EIF1: variants seen among roughly 807,000 people sequenced by gnomAD.
The protein encoded by EIF1 is protein translation factor SUI1 homolog.
In EIF1, 4 loss-of-function variants were observed where a neutral mutation model predicts 13.7. That is an observed-to-expected ratio of 0.29 (90% confidence interval 0.14 to 0.67). The LOEUF is 0.67. Among genes scored for constraint, EIF1 ranks in the 30% least tolerant of loss-of-function variants. The pLI, the probability that EIF1 is intolerant of heterozygous loss-of-function variation, is 0.77. For missense variants in EIF1, 64 were observed against 138.0 expected (o/e 0.46, Z 2.69); for synonymous variants, 67 against 50.7 (o/e 1.32, Z -1.37).
intron 1 of EIF1, chr17:41,689,315 T>A (rs1018599080): frequency 1.7e-6 from 1 of 592,030 alleles, no homozygotes; most frequent in African/African-American, 1.9e-5. Flanking sequence ...CATTTACTAA[T>A]GGCTCCTGGG....
chr17:41,690,035 T>A, intron 2 of EIF1, 53 bp from the exon 3 acceptor site: 1 of 1,609,934 alleles, frequency 6.2e-7, no homozygotes, highest in East Asian at 2.2e-5. Flanking sequence ...GAAGGGGTGA[T>A]AAATGCGTTC....
Position 41,692,668 on chromosome 17 carries a change from A to G in EIF1, c.*1842A>G, listed in dbSNP as rs1197947902. 1 of 151,654 alleles carries G rather than the reference A, an allele frequency of 6.6e-6. No homozygotes were observed. Among genetic ancestry groups the G allele is most frequent in the Admixed American group, 6.6e-5 (1 of 15,232 alleles). The allele number at this position is 151,654 out of a possible 1,614,324, so 9.4% of individuals were successfully genotyped here. ...AACTAATAAATTTTGCTAAAACATG[A>G]GTTTTGTTTGGTGACTTTTTTTTTT... On this transcript the variant is annotated 3_prime_UTR_variant, in exon 4 of 4. Transcript: ENST00000469257.
chr17:41,689,874 C>G lies in EIF1; in HGVS notation c.128C>G (p.Thr43Ser). Residue 43 changes from threonine (T) to serine (S), a missense_variant, in exon 2 of 4, where the codon ACC becomes AGC. Around this residue, in one of 2 missense-constraint regions of EIF1, gnomAD observed 35 missense variants for 103.4 expected, o/e 0.34. Transcript: ENST00000469257. ...IRIQQRNGRK[T>S]LTTVQGIADD... ...ATTCAACAGAGAAACGGCAGGAAGA[C>G]CCTTACTACTGTCCAAGGGATCGCT... 1 of 1,613,976 alleles carries G rather than the reference C, an allele frequency of 6.2e-7. No homozygotes were observed. The highest frequency in any genetic ancestry group is 8.5e-7 in the Non-Finnish European group (1 of 1,179,936).
intron 1 of EIF1, chr17:41,689,386 C>T (rs1597718083): frequency 3.8e-6 from 2 of 530,774 alleles, no homozygotes; most frequent in East Asian, 3.2e-5. Context: ...ACGTCACCAC[C>T]CGTTGTCACG....
Position 41,690,942 on chromosome 17 carries a change from G to A in EIF1, c.*116G>A. On this transcript the variant is annotated 3_prime_UTR_variant, in exon 4 of 4. Coordinates refer to ENST00000469257, the MANE Select transcript of EIF1 (RefSeq NM_005801.4). ...CAGCTTGTATAATGTAACCATTTGG[G>A]GTCCGCTTTTAACTTGGACTAGTGT... is the stretch of plus-strand genomic sequence containing the variant. 1.7e-6 allele frequency: 2 copies of A among 1,211,636 alleles called. No homozygotes were observed. Among genetic ancestry groups the A allele is most frequent in the Non-Finnish European group, 1.2e-6 (1 of 829,820 alleles). 75.1% of individuals were successfully genotyped at this position (1,211,636 alleles called of 1,614,324 possible).
In EIF1 at chr17:41,691,221, A is replaced by C. The variant is rs1910367885; in HGVS notation, c.*395A>C. On this transcript the variant is annotated 3_prime_UTR_variant, in exon 4 of 4. Coordinates refer to ENST00000469257, the MANE Select transcript of EIF1 (RefSeq NM_005801.4). The stretch of plus-strand genomic sequence containing the variant: ...CAGTCCTCGGTGAATCTGAGAGGAG[A>C]GGATGGGGTAAGGCAGAAGCACCAG... The C allele has an allele frequency of 8.0e-6, 3 of 375,588 alleles. No homozygotes were observed. Among genetic ancestry groups the C allele is most frequent in the Non-Finnish European group, 9.5e-6 (2 of 209,550 alleles). The allele number at this position is 375,588 out of a possible 1,614,324, so 23.3% of individuals were successfully genotyped here. A position where few individuals can be genotyped will look rare whatever the true frequency, so the allele number is the denominator to read the frequency against.
intron 1 of EIF1, 73 bp downstream of exon 1, chr17:41,689,142 A>G: frequency 6.4e-7 from 1 of 1,550,850 alleles, no homozygotes; most frequent in South Asian, 1.1e-5. Context: ...TGTTCCGGGA[A>G]GTTGCCAAGC....
chr17:41,689,161 C>A, intron 1 of EIF1, 92 bp downstream of exon 1: 1 of 1,413,636 alleles, frequency 7.1e-7, no homozygotes, highest in Non-Finnish European at 9.9e-7. Context: ...GCGCTCCGGG[C>A]CTTCGTAAGC....
Position 41,688,974 on chromosome 17 carries a change from T to C in EIF1, c.-65T>C, listed in dbSNP as rs1336383779. The C allele has an allele frequency of 6.3e-7, 1 of 1,576,896 alleles. No individual in the cohort carries two copies. ...ACGTTCCGTTCCCCCCTGCCCGCCTTCTCCCGCCACCGCCGCCGCCGCCTT... is the reference window on the plus strand; with the variant it reads ...ACGTTCCGTTCCCCCCTGCCCGCCTCCTCCCGCCACCGCCGCCGCCGCCTT... On this transcript the variant is annotated 5_prime_UTR_variant, in exon 1 of 4. Transcript: ENST00000469257.
chr17:41,689,202 G>A, intron 1 of EIF1, 133 bp downstream of exon 1: 1 of 1,084,938 alleles, frequency 9.2e-7, no homozygotes, highest in African/African-American at 1.6e-5. Flanking sequence ...CAGGGTCGCA[G>A]GGCAGCGGGA....
In EIF1 at chr17:41,689,916, A is replaced by G. The variant is rs1141310; in HGVS notation, c.170A>G (p.Lys57Arg). 1 of 1,611,270 alleles carries G rather than the reference A, an allele frequency of 6.2e-7. No individual in the cohort carries two copies. The highest frequency in any genetic ancestry group is 8.5e-7 in the Non-Finnish European group (1 of 1,178,934). The change falls in exon 2 of 4, where the codon AAG (lysine) becomes AGG (arginine). Residue 57 changes from lysine to arginine, a missense_variant. By Grantham distance (26) the Lys-to-Arg change is conservative (BLOSUM62 2). This residue lies in a region of EIF1 where 35 missense variants were observed against 103.4 expected (regional missense o/e 0.34). Coordinates refer to ENST00000469257, the MANE Select transcript of EIF1 (RefSeq NM_005801.4). ...GGGATCGCTGATGATTACGATAAAAAGAAACTAGTGAAGGCGTTTAAGAAA... is the reference window on the plus strand; with the variant it reads ...GGGATCGCTGATGATTACGATAAAAGGAAACTAGTGAAGGCGTTTAAGAAA... ...VQGIADDYDK[K>R]KLVKAFKKKF...
Position 41,690,102 on chromosome 17 carries a change from T to C in EIF1, c.210T>C (p.Asn70=), listed in dbSNP as rs1037347899. ...VKAFKKKFAC[N]GTVIEHPEYG... is the part of the protein sequence containing the mutation. ...TGTGCTTGCAGAAGTTTGCCTGCAATGGTACTGTAATTGAGCATCCGGAAT... is the reference window on the plus strand; with the variant it reads ...TGTGCTTGCAGAAGTTTGCCTGCAACGGTACTGTAATTGAGCATCCGGAAT... Residue 70 remains asparagine (N), a synonymous_variant, in exon 3 of 4, where the codon AAT becomes AAC. Coordinates refer to ENST00000469257, the MANE Select transcript of EIF1 (RefSeq NM_005801.4). 1.9e-6 allele frequency: 3 copies of C among 1,614,056 alleles called. No individual in the cohort carries two copies. The African/African-American group carries it at 4.0e-5, about 22-fold the overall frequency.
chr17:41,690,416 T>C lies in EIF1; in HGVS notation c.297+227T>C, dbSNP rs1349095680. The C allele has an allele frequency of 1.6e-5, 9 of 570,632 alleles. No individual in the cohort carries two copies. In the Admixed American group the frequency reaches 3.1e-4, roughly 20 times the overall value. The allele number at this position is 570,632 out of a possible 1,614,324, so 35.3% of individuals were successfully genotyped here. A position where few individuals can be genotyped will look rare whatever the true frequency, so the allele number is the denominator to read the frequency against. Reference sequence around the variant, plus strand: ...TCTACTTCACAGATGCAAATTTGAATAGCATATAGATGCATTGTAAAATAA... The same window carrying C: ...TCTACTTCACAGATGCAAATTTGAACAGCATATAGATGCATTGTAAAATAA... On this transcript the variant is annotated intron_variant, in intron 3 of 3. Coordinates refer to ENST00000469257, the MANE Select transcript of EIF1 (RefSeq NM_005801.4).
At position 41,690,875 on chromosome 17, in the gene EIF1, A is replaced by G; in HGVS notation, c.*49A>G. On this transcript the variant is annotated 3_prime_UTR_variant, in exon 4 of 4. Transcript: ENST00000469257. ...AAGTGAGGATTTCCTTGCAATGAGT[A>G]GAATTTCCCTTCTCTCCCTTGTCAC... The G allele has an allele frequency of 1.2e-6, 2 of 1,600,056 alleles. No homozygotes were observed. The highest frequency in any genetic ancestry group is 1.7e-6 in the Non-Finnish European group (2 of 1,168,752).
chr17:41,690,847 C>CTT lies in EIF1; in HGVS notation c.*22_*23dup. 6.2e-7 allele frequency: 1 copy of CTT among 1,612,846 alleles called. No homozygotes were observed. Among genetic ancestry groups the CTT allele is most frequent in the South Asian group, 1.1e-5 (1 of 91,030 alleles). ...TTTAAGTGCTTGTGGCTCACTGAAG[C>CTT]TTAAGTGAGGATTTCCTTGCAATGA... On this transcript the variant is annotated 3_prime_UTR_variant, in exon 4 of 4. Transcript: ENST00000469257.
rs1167985761 is a variant in EIF1, at chr17:41,692,584, T to G, written c.*1758T>G. On this transcript the variant is annotated 3_prime_UTR_variant, in exon 4 of 4. Coordinates refer to ENST00000469257, the MANE Select transcript of EIF1 (RefSeq NM_005801.4). ...TGTATTTTTACTGTACCTTTTAACA[T>G]TGTGTTACAATGGCCTACAAGAAGC... The G allele has an allele frequency of 3.3e-5, 5 of 152,242 alleles. No homozygotes were observed. In the East Asian group the frequency reaches 9.6e-4, roughly 29 times the overall value. 9.4% of individuals were successfully genotyped at this position (152,242 alleles called of 1,614,324 possible). A position where few individuals can be genotyped will look rare whatever the true frequency, so the allele number is the denominator to read the frequency against.
In EIF1 at chr17:41,691,615, C is replaced by T. The variant is rs1224282038; in HGVS notation, c.*789C>T. ...AATGTTATGTGTAATGTATTTAAAC[C>T]CTTATTTAAATAAAACTTGTTTTCA... On this transcript the variant is annotated 3_prime_UTR_variant, in exon 4 of 4. Transcript: ENST00000469257. 1 of 152,410 alleles carries T rather than the reference C, an allele frequency of 6.6e-6. No homozygotes were observed. The highest frequency in any genetic ancestry group is 2.4e-5 in the African/African-American group (1 of 41,348). The allele number at this position is 152,410 out of a possible 1,614,324, so 9.4% of individuals were successfully genotyped here. A position where few individuals can be genotyped will look rare whatever the true frequency, so the allele number is the denominator to read the frequency against.
Position 41,691,209 on chromosome 17 carries a change from A to T in EIF1, c.*383A>T. On this transcript the variant is annotated 3_prime_UTR_variant, in exon 4 of 4. Transcript: ENST00000469257. The stretch of plus-strand genomic sequence containing the variant: ...TTACCACCTGAACAGTCCTCGGTGA[A>T]TCTGAGAGGAGAGGATGGGGTAAGG... 1 of 391,240 alleles carries T rather than the reference A, an allele frequency of 2.6e-6. No individual in the cohort carries two copies. Among genetic ancestry groups the T allele is most frequent in the Non-Finnish European group, 4.6e-6 (1 of 218,938 alleles). The allele number at this position is 391,240 out of a possible 1,614,324, so 24.2% of individuals were successfully genotyped here.
chr17:41,691,017 G>A lies in EIF1; in HGVS notation c.*191G>A. Reference sequence around the variant, plus strand: ...AAGAGCCATGCTGTCTAGTCTTGAAGTCCCTCATTTAAACAGAGGTCAAGC... The same window carrying A: ...AAGAGCCATGCTGTCTAGTCTTGAAATCCCTCATTTAAACAGAGGTCAAGC... On this transcript the variant is annotated 3_prime_UTR_variant, in exon 4 of 4. Coordinates refer to ENST00000469257, the MANE Select transcript of EIF1 (RefSeq NM_005801.4). The A allele has an allele frequency of 1.6e-6, 1 of 619,062 alleles. No individual in the cohort carries two copies. Among genetic ancestry groups the A allele is most frequent in the Non-Finnish European group, 2.8e-6 (1 of 354,800 alleles). The allele number at this position is 619,062 out of a possible 1,614,324, so 38.3% of individuals were successfully genotyped here.
Sources: allele counts gnomAD v4.1 joint callset, GRCh38; gene constraint gnomAD v4.1.1; regional missense constraint gnomAD v4.1.1; transcripts MANE v1.5; gene names NCBI Gene and HGNC (gene_info 2026-07-23, HGNC 2026-07-21).